Variants in LRRTM3 observed in about 807,000 individuals in gnomAD.
LRRTM3 encodes the protein leucine-rich repeat transmembrane neuronal protein 3.
A neutral mutation model predicts 44.7 loss-of-function variants in LRRTM3; 24 were observed. The observed-to-expected ratio is 0.54, with a 90% CI of 0.39 to 0.76. The LOEUF is 0.76. LRRTM3 is among the 30% of genes least tolerant of loss of function. The pLI is 0.00. For synonymous variants in LRRTM3, 277 were observed against 278.7 expected, an observed-to-expected ratio of 0.99 and a Z score of 0.06; for missense variants, 587 against 702.2, an observed-to-expected ratio of 0.84 and a Z score of 1.85.
chr10:66,942,269 A>G (rs1848035997), intron 2 of LRRTM3, among the ~76,000 whole-genome samples: 1 of 152,214 alleles, frequency 6.6e-6, no homozygotes, highest in Non-Finnish European at 1.5e-5. Context: ...TCTGCAATAT[A>G]TAAAAAATGA....
chr10:66,939,371 C>T (rs1408422599), intron 2 of LRRTM3, among the ~76,000 whole-genome samples: 1 of 151,948 alleles, frequency 6.6e-6, no homozygotes, highest in Non-Finnish European at 1.5e-5. Context: ...TAAGTCAATC[C>T]ATACAACTTG....
chr10:66,974,515 A>C (rs930201917), intron 2 of LRRTM3, among the ~76,000 whole-genome samples: 4 of 152,144 alleles, frequency 2.6e-5, no homozygotes, highest in Admixed American at 2.6e-4. Context: ...CTCCTGGGTA[A>C]ATATTTAGAA....
At chr10:67,049,378 T>G (rs997339819) in intron 2 of LRRTM3, among the ~76,000 whole-genome samples, 1 of 152,162 alleles carries the variant, frequency 6.6e-6, no homozygotes, top group South Asian at 2.1e-4. Flanking sequence ...AAGCAGTTAT[T>G]TATGAACTAC....
chr10:67,089,829 T>C (rs1341492625), intron 2 of LRRTM3, among the ~76,000 whole-genome samples: 4 of 151,714 alleles, frequency 2.6e-5, no homozygotes, highest in Non-Finnish European at 5.9e-5. Flanking sequence ...GCACCATTTG[T>C]CCATCCCTTT....
At chr10:67,011,037 A>G (rs1385582127) in intron 2 of LRRTM3, among the ~76,000 whole-genome samples, 2 of 152,144 alleles carry the variant, frequency 1.3e-5, no homozygotes, top group Admixed American at 6.5e-5. Context: ...TTTGTCAACT[A>G]TGTCAATATA....
intron 2 of LRRTM3, among the ~76,000 whole-genome samples, chr10:66,978,065 TATACACAC>T (rs765444874): frequency 0.016 from 683 of 41,778 alleles, 6 homozygotes; most frequent in African/African-American, 0.031. Flanking sequence ...TATATATATA[TATACACAC>T]ACACACACAC....
intron 2 of LRRTM3, among the ~76,000 whole-genome samples, chr10:67,013,614 T>G (rs2133047482): frequency 6.6e-6 from 1 of 152,304 alleles, no homozygotes; most frequent in Middle Eastern, 3.4e-3. Context: ...TACAGATTAC[T>G]TCCTTTTCTT....
At chr10:67,007,218 G>C (rs1852047437) in intron 2 of LRRTM3, among the ~76,000 whole-genome samples, 1 of 152,114 alleles carries the variant, frequency 6.6e-6, no homozygotes, top group Non-Finnish European at 1.5e-5. Context: ...GTCAGTTCCT[G>C]TTTAGCATCA....
chr10:67,050,597 T>C (rs1464472461), intron 2 of LRRTM3, among the ~76,000 whole-genome samples: 3 of 152,204 alleles, frequency 2.0e-5, no homozygotes, highest in African/African-American at 7.2e-5. Context: ...GACATTGTTC[T>C]GCTGTCTCTC....
intron 2 of LRRTM3, among the ~76,000 whole-genome samples, chr10:67,025,358 A>G (rs966916402): frequency 6.6e-6 from 1 of 151,674 alleles, no homozygotes; most frequent in African/African-American, 2.4e-5. Flanking sequence ...TCCCCAAACT[A>G]AAAACATGGT....
At chr10:67,071,605 T>C (rs1333931357) in intron 2 of LRRTM3, among the ~76,000 whole-genome samples, 1 of 152,164 alleles carries the variant, frequency 6.6e-6, no homozygotes, top group East Asian at 1.9e-4. Context: ...ATTGTATTTA[T>C]CCTGCTTCAA....
rs552989264 is a variant in LRRTM3 at position 67,049,075 on chromosome 10, G to GA, written c.1537-48505dup. Among the ~76,000 whole-genome samples, 43 of 148,678 alleles carry GA rather than the reference G, an allele frequency of 2.9e-4. No individual in the cohort carries two copies. The East Asian group carries it at 5.9e-3, about 20-fold the overall frequency. On this transcript the variant is annotated intron_variant, in intron 2 of 2. Coordinates refer to ENST00000361320, the MANE Select transcript of LRRTM3 (RefSeq NM_178011.5). ...CTTCTTATCTTAAAAACACCAGTTA[G>GA]AAAAAAATGACATTTATAACTTGTG...
chr10:66,966,957 A>AT (rs1211075937), intron 2 of LRRTM3, among the ~76,000 whole-genome samples: 1 of 152,000 alleles, frequency 6.6e-6, no homozygotes, highest in Non-Finnish European at 1.5e-5. Flanking sequence ...AATTTTTTGT[A>AT]TTTGGATATC....
chr10:67,095,286 T>C (rs894856719), intron 2 of LRRTM3, among the ~76,000 whole-genome samples: 14 of 151,696 alleles, frequency 9.2e-5, no homozygotes, highest in African/African-American at 3.1e-4. Context: ...ATGATATATG[T>C]TAAACATTCA....
chr10:67,090,170 G>T (rs1857546094), intron 2 of LRRTM3, among the ~76,000 whole-genome samples: 1 of 151,926 alleles, frequency 6.6e-6, no homozygotes, highest in South Asian at 2.1e-4. Flanking sequence ...TATACTTAAG[G>T]TTCCTGTCCC....
At chr10:67,043,546 T>C (rs532882705) in intron 2 of LRRTM3, among the ~76,000 whole-genome samples, 289 of 152,320 alleles carry the variant, frequency 1.9e-3, no homozygotes, top group Admixed American at 3.1e-3. Context: ...CCTAATGTGA[T>C]GCTGTAACAC....
chr10:66,965,330 A>G (rs1255818160), intron 2 of LRRTM3, among the ~76,000 whole-genome samples: 3 of 151,952 alleles, frequency 2.0e-5, no homozygotes, highest in African/African-American at 7.3e-5. Context: ...AGGTCAAGAG[A>G]TCCAGACGAT....
chr10:67,093,469 G>C (rs1295889319), intron 2 of LRRTM3, among the ~76,000 whole-genome samples: 1 of 151,872 alleles, frequency 6.6e-6, no homozygotes, highest in Non-Finnish European at 1.5e-5. Context: ...GTGAAAAAAA[G>C]AAAAGAATAA....
chr10:67,073,628 G>A (rs985339491), intron 2 of LRRTM3, among the ~76,000 whole-genome samples: 1 of 151,556 alleles, frequency 6.6e-6, no homozygotes, highest in Non-Finnish European at 1.5e-5. Context: ...GGAAAAAAAC[G>A]AGAGAATCAC....
Sources: allele counts gnomAD v4.1 joint callset (sites outside exome capture counted in the v4.1 genomes callset), GRCh38; gene constraint gnomAD v4.1.1; transcripts MANE v1.5; gene names NCBI Gene and HGNC (gene_info 2026-07-23, HGNC 2026-07-21).